PATJ: variants seen among roughly 807,000 people sequenced by gnomAD.
PATJ encodes the protein PATJ crumbs cell polarity complex component.
In PATJ, 190 loss-of-function variants were observed where a neutral mutation model predicts 224.9. The observed-to-expected ratio is 0.84, with a 90% CI of 0.75 to 0.95. The LOEUF (loss-of-function observed/expected upper bound fraction) is 0.95. Ranked by LOEUF, PATJ falls within the 40% of genes least tolerant of loss-of-function variation. The pLI, the probability that PATJ is intolerant of heterozygous loss-of-function variation, is 0.00. For missense variants in PATJ, 2,121 were observed against 2,270.3 expected (o/e 0.93, Z 1.34); for synonymous variants, 769 against 820.3 (o/e 0.94, Z 1.07).
chr1:61,972,878 G>A (rs949184544), intron 27 of PATJ, among the ~76,000 whole-genome samples: 3 of 151,898 alleles, frequency 2.0e-5, no homozygotes, highest in Admixed American at 6.6e-5. Flanking sequence ...GTACCTATTA[G>A]TGAAGCTCTT....
At chr1:61,991,217 T>C (rs567923996) in intron 28 of PATJ, among the ~76,000 whole-genome samples, 44 of 149,538 alleles carry the variant, frequency 2.9e-4, no homozygotes, top group African/African-American at 7.8e-4. Flanking sequence ...ATGATGATGA[T>C]GACAATAACA....
intron 34 of PATJ, among the ~76,000 whole-genome samples, chr1:62,113,815 A>G (rs577463883): frequency 2.0e-5 from 3 of 152,330 alleles, no homozygotes; most frequent in Admixed American, 1.3e-4. Context: ...GTTTATAGCT[A>G]TGTAAAATTG....
At chr1:62,004,939 T>C (rs1645998830) in intron 28 of PATJ, among the ~76,000 whole-genome samples, 1 of 152,178 alleles carries the variant, frequency 6.6e-6, no homozygotes, top group Non-Finnish European at 1.5e-5. Flanking sequence ...TTTTCTTCAC[T>C]CTGCATGCAG....
At chr1:61,947,420 A>G (rs1678910244) in intron 27 of PATJ, among the ~76,000 whole-genome samples, 1 of 152,160 alleles carries the variant, frequency 6.6e-6, no homozygotes, top group African/African-American at 2.4e-5. Context: ...CTTATACACC[A>G]ATAATGGACA....
chr1:61,770,587 T>TA (rs887180840), intron 5 of PATJ, among the ~76,000 whole-genome samples: 23 of 152,172 alleles, frequency 1.5e-4, no homozygotes, highest in Non-Finnish European at 3.1e-4. Flanking sequence ...TAATTTCTTT[T>TA]AAAAAGAGTC....
chr1:61,966,390 G>A (rs1682149864), intron 27 of PATJ, among the ~76,000 whole-genome samples: 1 of 151,990 alleles, frequency 6.6e-6, no homozygotes, highest in African/African-American at 2.4e-5. Flanking sequence ...ATAGAGTAAA[G>A]TGAAAGCAAA....
At chr1:61,954,355 C>T (rs1329660843) in intron 27 of PATJ, among the ~76,000 whole-genome samples, 2 of 152,074 alleles carry the variant, frequency 1.3e-5, no homozygotes, top group Non-Finnish European at 2.9e-5. Flanking sequence ...AAGGATGAGG[C>T]CTCGGTCTGT....
At chr1:61,771,312 T>G in intron 5 of PATJ, 119 bp from the exon 6 acceptor site, 1 of 531,420 alleles carries the variant, frequency 1.9e-6, no homozygotes, top group Non-Finnish European at 3.3e-6. Context: ...TTAAATAATT[T>G]ATTTGATAAA....
At chr1:61,806,980 T>C (rs1653703731) in intron 13 of PATJ, among the ~76,000 whole-genome samples, 1 of 151,852 alleles carries the variant, frequency 6.6e-6, no homozygotes, top group Non-Finnish European at 1.5e-5. Context: ...GGTGAAACCT[T>C]GTATCTACTA....
intron 39 of PATJ, among the ~76,000 whole-genome samples, chr1:62,125,264 CAAAAA>C (rs1284483252): frequency 1.6e-5 from 1 of 64,226 alleles, no homozygotes; most frequent in South Asian, 4.3e-4. Context: ...CAAAAAAAAA[CAAAAA>C]AAAAACGCCA....
intron 29 of PATJ, among the ~76,000 whole-genome samples, chr1:62,031,994 C>T (rs61775658): frequency 0.13 from 20,124 of 151,994 alleles, 1,544 homozygotes; most frequent in Middle Eastern, 0.24. Flanking sequence ...TTTTCTCTTG[C>T]TATGTGACAA....
intron 27 of PATJ, among the ~76,000 whole-genome samples, chr1:61,930,707 A>AT (rs906193189): frequency 4.0e-4 from 60 of 151,400 alleles, no homozygotes; most frequent in Middle Eastern, 6.8e-3. Context: ...AGCCTGGCTA[A>AT]TTTTTTTTTC....
At chr1:61,915,554 G>T (rs2149238587) in intron 26 of PATJ, among the ~76,000 whole-genome samples, 1 of 151,946 alleles carries the variant, frequency 6.6e-6, no homozygotes, top group South Asian at 2.1e-4. Flanking sequence ...GATTTTGGTT[G>T]GAATTTTGTT....
intron 27 of PATJ, among the ~76,000 whole-genome samples, chr1:61,977,559 T>C (rs905879774): frequency 3.9e-5 from 6 of 152,008 alleles, no homozygotes; most frequent in Non-Finnish European, 7.3e-5. Context: ...TATTCCAATT[T>C]AGGTGTTTTG....
chr1:62,068,124 C>G (rs560615711), intron 31 of PATJ, among the ~76,000 whole-genome samples: 2 of 152,310 alleles, frequency 1.3e-5, no homozygotes, highest in South Asian at 2.1e-4. Context: ...CAGTTCACGT[C>G]ATTCACCTTC....
intron 16 of PATJ, among the ~76,000 whole-genome samples, chr1:61,828,524 G>A (rs929029191): frequency 1.3e-5 from 2 of 151,870 alleles, no homozygotes; most frequent in Non-Finnish European, 2.9e-5. Flanking sequence ...CAAGTAGCTG[G>A]GACCACAGGC....
chr1:61,744,528 A>G (rs913101388), intron 1 of PATJ, among the ~76,000 whole-genome samples: 3 of 149,056 alleles, frequency 2.0e-5, no homozygotes, highest in African/African-American at 7.4e-5. Flanking sequence ...GTTAATAAAT[A>G]TGGAAATACT....
chr1:62,087,566 A>AGAATTTCTCTGCCTC (rs1384613094), intron 33 of PATJ, among the ~76,000 whole-genome samples: 2 of 151,938 alleles, frequency 1.3e-5, no homozygotes, highest in African/African-American at 4.8e-5. Flanking sequence ...ATGTCTGCCT[A>AGAATTTCTCTGCCTC]GAATTTCTCT....
intron 26 of PATJ, among the ~76,000 whole-genome samples, chr1:61,920,886 G>A (rs2482862): frequency 0.87 from 132,179 of 151,462 alleles, 57,757 homozygotes; most frequent in African/African-American, 0.91. Context: ...TTATATTTTT[G>A]GTAGAGATGG....
Sources: gnomAD v4.1 joint callset for allele counts (sites outside exome capture counted in the v4.1 genomes callset) on GRCh38, gnomAD v4.1.1 for gene constraint, MANE v1.5 for transcripts, NCBI Gene and HGNC (gene_info 2026-07-23, HGNC 2026-07-21) for gene names.